The following OR9Q1 variants were observed in gnomAD, a reference collection of about 807,000 sequenced individuals.
OR9Q1 encodes olfactory receptor 9Q1.
For synonymous variants in OR9Q1, 153 were observed against 148.6 expected (o/e 1.03, Z -0.22); for missense variants, 374 against 378.8 (o/e 0.99, Z 0.11).
chr11:58,118,300 G>A, intron 2 of OR9Q1: 1 of 517,604 alleles, frequency 1.9e-6, no homozygotes, highest in Non-Finnish European at 3.4e-6. Flanking sequence ...ATTGAAAGTG[G>A]AAGAAGGGGA....
chr11:58,073,898 C>G lies in OR9Q1; in HGVS notation c.-15+17951C>G, dbSNP rs562329136. ...ACACCTACTTATGAGTGAGAACATG[C>G]AGTGTTTGGTTTTCTATTCCTGTGT... On this transcript the variant is annotated intron_variant, in intron 2 of 2. Coordinates refer to ENST00000335397, the MANE Select transcript of OR9Q1 (RefSeq NM_001005212.4). 3.3e-5 allele frequency among the ~76,000 whole-genome samples: 5 copies of G among 152,258 alleles called. No individual in the cohort carries two copies. In the East Asian group the frequency reaches 5.8e-4, roughly 18 times the overall value.
chr11:58,160,711 C>T (rs1405020241), intron 2 of OR9Q1, among the ~76,000 whole-genome samples: 1 of 152,102 alleles, frequency 6.6e-6, no homozygotes, highest in Non-Finnish European at 1.5e-5. Flanking sequence ...AAAGTGAAAA[C>T]ACGAGTTCTT....
In OR9Q1 at chr11:58,180,818, G is replaced by A. The variant is rs2119982219; in HGVS notation, c.*441G>A. 1 of 168,858 alleles carries A rather than the reference G, an allele frequency of 5.9e-6. No homozygotes were observed. The highest frequency in any genetic ancestry group is 2.1e-4 in the South Asian group (1 of 4,858). 10.5% of individuals were successfully genotyped at this position (168,858 alleles called of 1,614,324 possible). A position where few individuals can be genotyped will look rare whatever the true frequency, so the allele number is the denominator to read the frequency against. ...GGTTACATAGATGTAATCTATCCGT[G>A]AGTTTATTCATCAATCAATTCACTC... On this transcript the variant is annotated 3_prime_UTR_variant, in exon 3 of 3. Coordinates refer to ENST00000335397, the MANE Select transcript of OR9Q1 (RefSeq NM_001005212.4).
chr11:58,118,822 A>C, intron 2 of OR9Q1: 1 of 1,614,074 alleles, frequency 6.2e-7, no homozygotes, highest in Non-Finnish European at 8.5e-7. Context: ...GGCATTGGCC[A>C]AAATCACAAA....
chr11:58,037,535 G>A (rs1853112340), intron 1 of OR9Q1, among the ~76,000 whole-genome samples: 1 of 150,628 alleles, frequency 6.6e-6, no homozygotes, highest in African/African-American at 2.4e-5. Flanking sequence ...ATTTATTGTA[G>A]CAGAAAAAAT....
intron 2 of OR9Q1, among the ~76,000 whole-genome samples, chr11:58,151,244 G>A (rs181834867): frequency 1.8e-4 from 27 of 152,280 alleles, no homozygotes; most frequent in Admixed American, 4.6e-4. Context: ...AGGATTAAGA[G>A]AAAAGAGCTC....
At chr11:58,092,990 T>G (rs1053284930) in intron 2 of OR9Q1, among the ~76,000 whole-genome samples, 4 of 151,390 alleles carry the variant, frequency 2.6e-5, no homozygotes, top group East Asian at 1.9e-4. Context: ...TTTATTTTTG[T>G]TTTTTTTTGT....
intron 2 of OR9Q1, among the ~76,000 whole-genome samples, chr11:58,159,552 T>C (rs1854438930): frequency 6.6e-6 from 1 of 152,106 alleles, no homozygotes; most frequent in Non-Finnish European, 1.5e-5. Context: ...CATGAGTCAA[T>C]TCATGAAGTC....
intron 2 of OR9Q1, among the ~76,000 whole-genome samples, chr11:58,084,339 A>G (rs1193999035): frequency 1.3e-5 from 2 of 151,856 alleles, no homozygotes; most frequent in Non-Finnish European, 2.9e-5. Flanking sequence ...TATCAGTCCT[A>G]TTAGCATTTG....
At chr11:58,040,647 A>G (rs1314553806) in intron 1 of OR9Q1, 2 of 152,172 alleles carry the variant, frequency 1.3e-5, no homozygotes, top group Non-Finnish European at 2.9e-5. Flanking sequence ...TGAAATATAA[A>G]ATAGAAGCAG....
At chr11:58,072,698 A>C (rs1853499631) in intron 2 of OR9Q1, 1 of 155,252 alleles carries the variant, frequency 6.4e-6, no homozygotes, top group African/African-American at 2.4e-5. Flanking sequence ...TGCAAAGTTT[A>C]GCAGGTCAAA....
intron 2 of OR9Q1, among the ~76,000 whole-genome samples, chr11:58,114,785 T>A (rs1853934942): frequency 6.6e-6 from 1 of 151,840 alleles, no homozygotes; most frequent in Non-Finnish European, 1.5e-5. Context: ...CCCAGAGGGG[T>A]TGTGTTGTAT....
At chr11:58,162,440 T>C (rs958363224) in intron 2 of OR9Q1, among the ~76,000 whole-genome samples, 3 of 152,184 alleles carry the variant, frequency 2.0e-5, no homozygotes, top group African/African-American at 2.4e-5. Context: ...GAGCGAGGAA[T>C]AGGAGGGAGC....
intron 2 of OR9Q1, among the ~76,000 whole-genome samples, chr11:58,143,422 G>A (rs1854269426): frequency 6.6e-6 from 1 of 152,118 alleles, no homozygotes; most frequent in Non-Finnish European, 1.5e-5. Flanking sequence ...TTCCTCCACA[G>A]GAGGCTGATT....
intron 2 of OR9Q1, among the ~76,000 whole-genome samples, chr11:58,178,125 G>C (rs1854622636): frequency 2.0e-5 from 3 of 152,106 alleles, no homozygotes; most frequent in Non-Finnish European, 4.4e-5. Context: ...AGCAAGAAAG[G>C]AACATGAAGA....
At chr11:58,145,153 G>A (rs2443433) in intron 2 of OR9Q1, 150,938 of 152,432 alleles carry the variant, frequency 0.99, 74,748 homozygotes, top group East Asian at 1. Context: ...CATTCAGTCT[G>A]TTCTGAAGAT....
intron 1 of OR9Q1, among the ~76,000 whole-genome samples, chr11:58,049,606 G>T (rs759301896): frequency 0.03 from 2,579 of 84,716 alleles, 35 homozygotes; most frequent in East Asian, 0.048. Flanking sequence ...GGGCAATCAG[G>T]CAGGAGAAGG....
rs1438581243 is a variant in OR9Q1, at chr11:58,181,114, A to G, written c.*737A>G. 3 of 167,068 alleles carry G rather than the reference A, an allele frequency of 1.8e-5. No individual in the cohort carries two copies. Among genetic ancestry groups the G allele is most frequent in the Non-Finnish European group, 2.9e-5 (2 of 68,134 alleles). The allele number at this position is 167,068 out of a possible 1,614,324, so 10.3% of individuals were successfully genotyped here. ...TACAATAACATGTCTGTCAATTGCT[A>G]TCACCTCTGGATATATGCCCTGTTC... is the stretch of plus-strand genomic sequence containing the variant. On this transcript the variant is annotated 3_prime_UTR_variant, in exon 3 of 3. Coordinates refer to ENST00000335397, the MANE Select transcript of OR9Q1 (RefSeq NM_001005212.4).
intron 2 of OR9Q1, among the ~76,000 whole-genome samples, chr11:58,126,989 C>T (rs112217986): frequency 0.03 from 4,634 of 152,212 alleles, 224 homozygotes; most frequent in African/African-American, 0.1. Flanking sequence ...CTTGCTCTGT[C>T]GCCCAGGCTG....
Sources: allele counts gnomAD v4.1 joint callset (sites outside exome capture counted in the v4.1 genomes callset), GRCh38; gene constraint gnomAD v4.1.1; transcripts MANE v1.5; gene names NCBI Gene and HGNC (gene_info 2026-07-23, HGNC 2026-07-21).